The following GRM5 variants were observed in gnomAD, a reference collection of about 807,000 sequenced individuals.
The protein encoded by GRM5 is metabotropic glutamate receptor 5.
GRM5 carries 19 observed loss-of-function variants against 83.1 expected under a neutral mutation model. The ratio of observed to expected loss-of-function variants is 0.23; its 90% CI spans 0.16 to 0.34. The LOEUF (loss-of-function observed/expected upper bound fraction) is 0.34. Ranked by LOEUF, GRM5 falls within the 10% of genes least tolerant of loss-of-function variation. The pLI, the probability that GRM5 is intolerant of heterozygous loss-of-function variation, is 1.00. For synonymous variants in GRM5, 675 were observed against 633.6 expected (o/e 1.07, Z -0.98); for missense variants, 1,160 against 1,588.3 (o/e 0.73, Z 4.58).
At chr11:88,867,690 G>A (rs1331921169) in intron 2 of GRM5, among the ~76,000 whole-genome samples, 2 of 151,536 alleles carry the variant, frequency 1.3e-5, no homozygotes, top group Non-Finnish European at 2.9e-5. Flanking sequence ...CTTATAGGAA[G>A]AGATTAAGAA....
chr11:88,772,907 CAT>C (rs1476964493), intron 3 of GRM5, among the ~76,000 whole-genome samples: 1 of 152,124 alleles, frequency 6.6e-6, no homozygotes, highest in Non-Finnish European at 1.5e-5. Context: ...CCGCAATAAA[CAT>C]ATGTGTGCAT....
chr11:88,869,404 G>A (rs1268467392), intron 2 of GRM5, among the ~76,000 whole-genome samples: 1 of 151,466 alleles, frequency 6.6e-6, no homozygotes, highest in Non-Finnish European at 1.5e-5. Flanking sequence ...AATGGTACCT[G>A]TCCAGTTTCC....
intron 1 of GRM5, among the ~76,000 whole-genome samples, chr11:89,056,672 G>A (rs543893538): frequency 6.6e-6 from 1 of 152,150 alleles, no homozygotes; most frequent in Admixed American, 6.5e-5. Flanking sequence ...TAGATAATGG[G>A]GAGGCATTAA....
chr11:88,890,991 T>A (rs1945134922), intron 2 of GRM5, among the ~76,000 whole-genome samples: 1 of 152,118 alleles, frequency 6.6e-6, no homozygotes, highest in Admixed American at 6.6e-5. Context: ...TTAAATTTGA[T>A]AAGATAAAGC....
At chr11:88,554,347 T>G (rs1942578052) in intron 8 of GRM5, among the ~76,000 whole-genome samples, 1 of 152,136 alleles carries the variant, frequency 6.6e-6, no homozygotes, top group Admixed American at 6.6e-5. Context: ...CAGGATCATC[T>G]TTCCTTAACA....
chr11:89,048,918 T>C (rs1206221522), intron 1 of GRM5, among the ~76,000 whole-genome samples: 1 of 152,208 alleles, frequency 6.6e-6, no homozygotes, highest in Non-Finnish European at 1.5e-5. Flanking sequence ...GGGGATACTA[T>C]GTGCTAGGCT....
chr11:88,668,297 GCACACACACACACACACACACACACACA>G (rs72052705), intron 3 of GRM5, among the ~76,000 whole-genome samples: 8 of 130,116 alleles, frequency 6.1e-5, no homozygotes, highest in East Asian at 2.3e-4. Context: ...CCAGAAACTC[GCACACACACACACACACACACACACACA>G]CACACACACA....
rs1218528376 is a variant in GRM5 at position 88,768,225 on chromosome 11, A to G, written c.911+81681T>C. 2.0e-5 allele frequency among the ~76,000 whole-genome samples: 3 copies of G among 152,074 alleles called. No homozygotes were observed. In the South Asian group the frequency reaches 6.2e-4, roughly 31 times the overall value. ...CTGATGGATGGACGGATGGATAAGA[A>G]AACATAATATATGCATACAATGAAA... On this transcript the variant is annotated intron_variant, in intron 3 of 9. Coordinates refer to ENST00000305447, the MANE Select transcript of GRM5 (RefSeq NM_001143831.3).
At chr11:88,879,165 GAGA>G (rs1353213393) in intron 2 of GRM5, among the ~76,000 whole-genome samples, 15 of 152,116 alleles carry the variant, frequency 9.9e-5, no homozygotes, top group African/African-American at 2.9e-4. Context: ...ATATTTAACT[GAGA>G]AGGACTCTAA....
chr11:88,983,565 T>C (rs1939595280), intron 2 of GRM5, among the ~76,000 whole-genome samples: 1 of 152,204 alleles, frequency 6.6e-6, no homozygotes, highest in Admixed American at 6.5e-5. Context: ...CACAAAAGTC[T>C]TTTTTATAAT....
In GRM5 at chr11:88,506,788, C is replaced by A. The variant is rs1227229253; in HGVS notation, c.*1804G>T. 6.6e-6 allele frequency: 1 copy of A among 151,756 alleles called. No homozygotes were observed. The highest frequency in any genetic ancestry group is 1.5e-5 in the Non-Finnish European group (1 of 67,936). 9.4% of individuals were successfully genotyped at this position (151,756 alleles called of 1,614,324 possible). ...TAAAGTGAAGAATGATAAATTATGC[C>A]AATGGACTGACTTCTATTTCTCAGT... On this transcript the variant is annotated 3_prime_UTR_variant, in exon 10 of 10. Coordinates refer to ENST00000305447, the MANE Select transcript of GRM5 (RefSeq NM_001143831.3).
At chr11:88,893,260 G>GA (rs1316617781) in intron 2 of GRM5, among the ~76,000 whole-genome samples, 2 of 151,916 alleles carry the variant, frequency 1.3e-5, no homozygotes, top group African/African-American at 2.4e-5. Context: ...GGATATAAAG[G>GA]AAAAAATATT....
chr11:88,967,343 G>A (rs1939018983), intron 2 of GRM5, among the ~76,000 whole-genome samples: 1 of 151,072 alleles, frequency 6.6e-6, no homozygotes, highest in Non-Finnish European at 1.5e-5. Flanking sequence ...ACCACTTATA[G>A]GGATAGAGGG....
intron 4 of GRM5, among the ~76,000 whole-genome samples, chr11:88,622,492 A>C (rs921317746): frequency 6.6e-6 from 1 of 152,174 alleles, no homozygotes; most frequent in Non-Finnish European, 1.5e-5. Flanking sequence ...CCTTACCACT[A>C]TGAATACACA....
At chr11:88,564,182 G>T (rs1441836796) in intron 8 of GRM5, among the ~76,000 whole-genome samples, 2 of 152,124 alleles carry the variant, frequency 1.3e-5, no homozygotes, top group Non-Finnish European at 2.9e-5. Flanking sequence ...CACATAGACA[G>T]ATCAAGATTT....
At chr11:88,937,389 A>G (rs1937937876) in intron 2 of GRM5, among the ~76,000 whole-genome samples, 1 of 151,762 alleles carries the variant, frequency 6.6e-6, no homozygotes, top group Non-Finnish European at 1.5e-5. Context: ...TTCTTTCAAC[A>G]TTTATAATGA....
At chr11:88,792,294 G>T (rs1228569963) in intron 3 of GRM5, among the ~76,000 whole-genome samples, 3 of 151,982 alleles carry the variant, frequency 2.0e-5, no homozygotes, top group Non-Finnish European at 4.4e-5. Context: ...AATCTTACCT[G>T]GGCAATATCA....
intron 2 of GRM5, among the ~76,000 whole-genome samples, chr11:88,950,846 G>T (rs537339544): frequency 2.6e-5 from 4 of 152,176 alleles, no homozygotes; most frequent in Non-Finnish European, 5.9e-5. Context: ...CCAAATTCCA[G>T]TGTGATTCTA....
At chr11:89,051,582 C>T (rs1217469696) in intron 1 of GRM5, among the ~76,000 whole-genome samples, 5 of 150,472 alleles carry the variant, frequency 3.3e-5, no homozygotes, top group Admixed American at 6.6e-5. Flanking sequence ...TGGTGGTGCA[C>T]GCCTGTAATC....
Sources: allele counts gnomAD v4.1 joint callset (sites outside exome capture counted in the v4.1 genomes callset), GRCh38; gene constraint gnomAD v4.1.1; transcripts MANE v1.5; gene names NCBI Gene and HGNC (gene_info 2026-07-23, HGNC 2026-07-21).